Variants in PRELID2 observed in about 807,000 individuals in gnomAD.
The protein encoded by PRELID2 is PRELI domain-containing protein 2.
A neutral mutation model predicts 28.4 loss-of-function variants in PRELID2; 25 were observed. The observed-to-expected ratio is 0.88, with a 90% CI of 0.64 to 1.23. PRELID2 has a LOEUF of 1.23. Ranked by LOEUF, PRELID2 falls within the 50% of genes most tolerant of loss-of-function variation. The pLI is 0.00. For synonymous variants in PRELID2, 76 were observed against 71.6 expected, an observed-to-expected ratio of 1.06 and a Z score of -0.31; for missense variants, 201 against 214.4, an observed-to-expected ratio of 0.94 and a Z score of 0.39.
the PRELID2 span, among the ~76,000 whole-genome samples, chr5:145,369,464 T>C: frequency 5.3e-5 from 8 of 152,118 alleles, no homozygotes; most frequent in African/African-American, 1.9e-4. Flanking sequence ...TTCCTTTTTA[T>C]GGCCGTGAAG....
At chr5:145,601,406 A>G (rs1043077443) in intron 1 of PRELID2, among the ~76,000 whole-genome samples, 1 of 152,140 alleles carries the variant, frequency 6.6e-6, no homozygotes, top group Non-Finnish European at 1.5e-5. Context: ...AGAAATATCA[A>G]AATAAGTCTA....
At chr5:145,365,004 C>T in the PRELID2 span, among the ~76,000 whole-genome samples, 4 of 152,082 alleles carry the variant, frequency 2.6e-5, no homozygotes, top group Non-Finnish European at 4.4e-5. Flanking sequence ...CTGACTCTTG[C>T]TCTCTTTCTA....
At chr5:145,288,376 CT>C in the PRELID2 span, among the ~76,000 whole-genome samples, 1 of 152,064 alleles carries the variant, frequency 6.6e-6, no homozygotes, top group Admixed American at 6.6e-5. Flanking sequence ...CAGCTTTGAT[CT>C]TTGAGAGCTC....
chr5:145,295,557 T>A, the PRELID2 span, among the ~76,000 whole-genome samples: 12 of 152,156 alleles, frequency 7.9e-5, no homozygotes, highest in Admixed American at 5.9e-4. Context: ...ACAAGGCAAC[T>A]CCACAATGTG....
chr5:145,486,272 A>G (rs138813935), intron 1 of PRELID2, among the ~76,000 whole-genome samples: 46 of 152,302 alleles, frequency 3.0e-4, no homozygotes, highest in Non-Finnish European at 5.7e-4. Context: ...CTTAATTGTT[A>G]TAGTTTGCAT....
At chr5:145,554,989 G>C (rs1752867777) in intron 1 of PRELID2, among the ~76,000 whole-genome samples, 1 of 152,182 alleles carries the variant, frequency 6.6e-6, no homozygotes, top group South Asian at 2.1e-4. Flanking sequence ...CTCTGGAAAA[G>C]AGAGGTCAAA....
At chr5:145,778,162 A>T (rs1758535857) in intron 5 of PRELID2, among the ~76,000 whole-genome samples, 1 of 152,144 alleles carries the variant, frequency 6.6e-6, no homozygotes, top group South Asian at 2.1e-4. Context: ...GCTCAATCAG[A>T]GCTGAGCAGA....
chr5:145,458,838 T>A, the PRELID2 span, among the ~76,000 whole-genome samples: 1 of 152,042 alleles, frequency 6.6e-6, no homozygotes, highest in Non-Finnish European at 1.5e-5. Flanking sequence ...TCTGAAAAAA[T>A]CAATTAAAGA....
chr5:145,253,395 A>G, the PRELID2 span, among the ~76,000 whole-genome samples: 1 of 152,130 alleles, frequency 6.6e-6, no homozygotes, highest in Non-Finnish European at 1.5e-5. Context: ...GACCTATTTT[A>G]TAGATGAAAC....
intron 1 of PRELID2, among the ~76,000 whole-genome samples, chr5:145,595,169 C>CACACACATACACACACACACACACAT (rs61131780): frequency 0.012 from 1,746 of 148,628 alleles, 21 homozygotes; most frequent in South Asian, 0.026. Flanking sequence ...TAGACACACA[C>CACACACATACACACACACACACACAT]ACACACACAC....
At chr5:145,506,046 G>A (rs1157505159) in intron 1 of PRELID2, among the ~76,000 whole-genome samples, 6 of 152,154 alleles carry the variant, frequency 3.9e-5, no homozygotes, top group Non-Finnish European at 8.8e-5. Context: ...GTACAACATT[G>A]TGCCTATAGA....
intron 4 of PRELID2, among the ~76,000 whole-genome samples, chr5:145,811,105 A>AC (rs1753899546): frequency 1.3e-5 from 2 of 148,654 alleles, no homozygotes; most frequent in Admixed American, 6.7e-5. Flanking sequence ...AAAAAAAAAA[A>AC]AAAAAAAAAA....
chr5:145,549,978 A>G (rs1196790414), intron 1 of PRELID2, among the ~76,000 whole-genome samples: 1 of 152,094 alleles, frequency 6.6e-6, no homozygotes, highest in Non-Finnish European at 1.5e-5. Context: ...AAGTCCTGCC[A>G]CAAGGGAGGC....
At chr5:145,280,823 T>A in the PRELID2 span, among the ~76,000 whole-genome samples, 1 of 149,240 alleles carries the variant, frequency 6.7e-6, no homozygotes, top group Non-Finnish European at 1.5e-5. Flanking sequence ...AAAAACAGAT[T>A]GCTACATTTT....
At position 145,694,025 on chromosome 5, in the gene PRELID2, C is replaced by T. The variant is rs144228027; in HGVS notation, n.70+70906G>A. Among the ~76,000 whole-genome samples the T allele has an allele frequency of 1.5e-3, 225 of 152,276 alleles. No homozygotes were observed. In the South Asian group the frequency reaches 0.016, roughly 11 times the overall value. Reference sequence around the variant, plus strand: ...GTCCTATCACTCACTAGCTGTATGACATCAGGCAAGGTAGTTAATCTTCTA... The same window carrying T: ...GTCCTATCACTCACTAGCTGTATGATATCAGGCAAGGTAGTTAATCTTCTA... On this transcript the variant is annotated intron_variant and non_coding_transcript_variant, in intron 1 of 2. Transcript: ENST00000510259.
At chr5:145,778,396 G>C (rs1197975691) in intron 5 of PRELID2, among the ~76,000 whole-genome samples, 1 of 152,134 alleles carries the variant, frequency 6.6e-6, no homozygotes, top group Non-Finnish European at 1.5e-5. Context: ...GGACACCCTG[G>C]ATGTGGAAAG....
At chr5:145,443,565 G>T in the PRELID2 span, among the ~76,000 whole-genome samples, 1 of 152,072 alleles carries the variant, frequency 6.6e-6, no homozygotes, top group East Asian at 1.9e-4. Flanking sequence ...GAAGCCTAGG[G>T]TCCTTTGCTA....
At chr5:145,409,993 C>T in the PRELID2 span, among the ~76,000 whole-genome samples, 1 of 152,040 alleles carries the variant, frequency 6.6e-6, no homozygotes, top group African/African-American at 2.4e-5. Flanking sequence ...ATACAGAACC[C>T]AGAAATAAAG....
At chr5:145,541,591 T>C (rs1237805971) in intron 1 of PRELID2, among the ~76,000 whole-genome samples, 1 of 152,080 alleles carries the variant, frequency 6.6e-6, no homozygotes. Flanking sequence ...GTATATAGTA[T>C]GCTCTACTTT....
Sources: allele counts gnomAD v4.1 joint callset (sites outside exome capture counted in the v4.1 genomes callset), GRCh38; gene constraint gnomAD v4.1.1; transcripts MANE v1.5; gene names NCBI Gene and HGNC (gene_info 2026-07-23, HGNC 2026-07-21).